RGS12: variants seen among roughly 807,000 people sequenced by gnomAD.
The protein encoded by RGS12 is regulator of G protein signaling 12.
RGS12 carries 66 observed loss-of-function variants against 120.1 expected under a neutral mutation model. The ratio of observed to expected loss-of-function variants is 0.55; its 90% CI spans 0.45 to 0.67. The LOEUF is 0.67. Among genes scored for constraint, RGS12 ranks in the 30% least tolerant of loss-of-function variants. RGS12 has a pLI of 0.00. For missense variants in RGS12, 1,859 were observed against 1,957.7 expected, an observed-to-expected ratio of 0.95 and a Z score of 0.95; for synonymous variants, 827 against 804.7, an observed-to-expected ratio of 1.03 and a Z score of -0.47.
chr4:3,343,669 T>G (rs1205201242), intron 3 of RGS12, among the ~76,000 whole-genome samples: 1 of 152,114 alleles, frequency 6.6e-6, no homozygotes, highest in Non-Finnish European at 1.5e-5. Context: ...TCTGTGGGTT[T>G]GGACAAATGT....
intron 17 of RGS12, among the ~76,000 whole-genome samples, chr4:3,439,139 G>A (rs1482550764): frequency 5.9e-5 from 9 of 152,164 alleles, no homozygotes; most frequent in East Asian, 3.9e-4. Flanking sequence ...CAGTTGGGGC[G>A]GGGGCTCTGC....
chr4:3,294,492 C>T (rs559284540), intron 1 of RGS12, among the ~76,000 whole-genome samples: 11 of 152,338 alleles, frequency 7.2e-5, no homozygotes, highest in African/African-American at 1.9e-4. Context: ...CCTGAAAAAG[C>T]GATATAAAAA....
intron 1 of RGS12, among the ~76,000 whole-genome samples, chr4:3,293,385 C>T (rs1265753367): frequency 6.8e-6 from 1 of 147,104 alleles, no homozygotes; most frequent in East Asian, 2.0e-4. Context: ...GGTGCGCGGC[C>T]TCCTGGGGCC....
intron 4 of RGS12, among the ~76,000 whole-genome samples, chr4:3,402,907 T>C (rs1720739894): frequency 6.6e-6 from 1 of 152,220 alleles, no homozygotes; most frequent in African/African-American, 2.4e-5. Context: ...ATGTTCTGTG[T>C]CTTTTCTTGG....
chr4:3,351,056 T>G (rs1714309513), intron 3 of RGS12, among the ~76,000 whole-genome samples: 1 of 152,240 alleles, frequency 6.6e-6, no homozygotes, highest in Non-Finnish European at 1.5e-5. Flanking sequence ...TGATAAGTAA[T>G]TAATGAAGGC....
upstream of RGS12, among the ~76,000 whole-genome samples, chr4:3,288,847 C>G (rs995200351): frequency 4.6e-5 from 7 of 152,192 alleles, no homozygotes; most frequent in African/African-American, 1.7e-4. This position sits in a 1 kb window ranked among gnomAD's most constrained non-coding sequence, Gnocchi z 5.2. Flanking sequence ...TCCCAGCTCC[C>G]AGCTCTCCTT....
Position 3,317,761 on chromosome 4 carries a change from T to C in RGS12, c.1591T>C (p.Cys531Arg), listed in dbSNP as rs763245282. 4.3e-6 allele frequency: 7 copies of C among 1,613,432 alleles called. No individual in the cohort carries two copies. In the South Asian group the frequency reaches 7.7e-5, roughly 18 times the overall value. ...CAAGAGGGGCACCGTGGGTGCTGGC[T>C]GTGGTTTCAACCAGCGCTGGCTCCC... ...PSKRGTVGAGCGFNQRWLPVH... is the reference protein window; with the variant it reads ...PSKRGTVGAGRGFNQRWLPVH... The change falls in exon 2 of 18, where the codon TGT becomes CGT. Residue 531 changes from cysteine to arginine, a missense_variant. Physicochemically the swap from Cys to Arg is radical, Grantham distance 180. Around this residue, in one of 3 missense-constraint regions of RGS12, gnomAD observed 967 missense variants for 994.2 expected, o/e 0.97. Transcript: ENST00000336727.
intron 1 of RGS12, among the ~76,000 whole-genome samples, chr4:3,293,349 G>T (rs1411758242): frequency 1.4e-5 from 2 of 145,820 alleles, no homozygotes; most frequent in African/African-American, 4.9e-5. Context: ...CGCGGGGCGC[G>T]GGCCTGTGGG....
At chr4:3,377,132 G>T (rs564787848) in intron 3 of RGS12, among the ~76,000 whole-genome samples, 14 of 151,750 alleles carry the variant, frequency 9.2e-5, no homozygotes, top group Middle Eastern at 3.4e-3. Flanking sequence ...GGGTCCCTCT[G>T]TGCAGGAGCC....
chr4:3,422,781 C>T, intron 11 of RGS12, 124 bp from the exon 12 acceptor site: 2 of 1,029,614 alleles, frequency 1.9e-6, no homozygotes, highest in South Asian at 2.8e-5. Flanking sequence ...TGATCGCTTT[C>T]TTTGGATGGC....
intron 3 of RGS12, among the ~76,000 whole-genome samples, chr4:3,384,320 A>G (rs1012304580): frequency 1.3e-5 from 2 of 151,990 alleles, no homozygotes; most frequent in Non-Finnish European, 1.5e-5. Flanking sequence ...ACGCTCGGCT[A>G]ATTTTTATAT....
At chr4:3,312,918 A>G (rs1199340847) in intron 1 of RGS12, 2 of 149,944 alleles carry the variant, frequency 1.3e-5, no homozygotes, top group Admixed American at 1.4e-4. Context: ...GTTTTCTCCA[A>G]AAAAAAAAAA....
At chr4:3,313,354 T>C (rs1422573443) in intron 1 of RGS12, among the ~76,000 whole-genome samples, 1 of 152,250 alleles carries the variant, frequency 6.6e-6, no homozygotes, top group Non-Finnish European at 1.5e-5. Context: ...GTCCTGGGGC[T>C]GTTCACAGTG....
Position 3,316,127 on chromosome 4 carries a change from A to G in RGS12, c.-44A>G, listed in dbSNP as rs751671292. ...CAAGCATTCCTTGAAATATGGCTCC[A>G]AGGGAACAATGAGACGTGCTCTTGG... is the stretch of plus-strand genomic sequence containing the variant. On this transcript the variant is annotated 5_prime_UTR_variant, in exon 2 of 18. Transcript: ENST00000336727. 2.0e-6 allele frequency: 3 copies of G among 1,506,334 alleles called. No individual in the cohort carries two copies. The allele number at this position is 1,506,334 out of a possible 1,614,324, so 93.3% of individuals were successfully genotyped here.
intron 2 of RGS12, among the ~76,000 whole-genome samples, chr4:3,328,221 G>C (rs1171854143): frequency 2.0e-5 from 3 of 152,188 alleles, no homozygotes; most frequent in Non-Finnish European, 4.4e-5. Context: ...TGGAATGGTA[G>C]AGAATGGAGA....
rs150343650 is a variant in RGS12 at position 3,384,720 on chromosome 4, G to C, written c.1999-1696G>C. ...GTTTTCACTACTGGGAAGTGGGTTGGGGGGCAGGACCCTCCGAAGCTGGCC... is the reference window on the plus strand; with the variant it reads ...GTTTTCACTACTGGGAAGTGGGTTGCGGGGCAGGACCCTCCGAAGCTGGCC... On this transcript the variant is annotated intron_variant, in intron 3 of 17. Transcript: ENST00000336727. Among the ~76,000 whole-genome samples, 238 of 152,374 alleles carry C rather than the reference G, an allele frequency of 1.6e-3. 8 individuals are homozygous for C. The East Asian group carries it at 0.038, about 24-fold the overall frequency.
chr4:3,318,526 G>T (rs1724963187), intron 2 of RGS12, among the ~76,000 whole-genome samples: 1 of 152,238 alleles, frequency 6.6e-6, no homozygotes, highest in Non-Finnish European at 1.5e-5. Context: ...CCTCCATGGG[G>T]AATATCCTGT....
intron 3 of RGS12, among the ~76,000 whole-genome samples, chr4:3,364,107 C>T (rs1252142265): frequency 1.3e-5 from 2 of 152,178 alleles, no homozygotes; most frequent in African/African-American, 4.8e-5. Context: ...CTCTATTCAC[C>T]AGGAAAATAA....
intron 4 of RGS12, among the ~76,000 whole-genome samples, chr4:3,399,911 C>G (rs145769194): frequency 6.6e-6 from 1 of 152,226 alleles, no homozygotes; most frequent in Non-Finnish European, 1.5e-5. Flanking sequence ...GGAGCGCTTC[C>G]TAAATGGGGC....
Sources: allele counts gnomAD v4.1 joint callset (sites outside exome capture counted in the v4.1 genomes callset), GRCh38; gene constraint gnomAD v4.1.1; regional missense constraint gnomAD v4.1.1; non-coding constraint Gnocchi (gnomAD v3.1); transcripts MANE v1.5; gene names NCBI Gene and HGNC (gene_info 2026-07-23, HGNC 2026-07-21).